ULK4: variants seen among roughly 807,000 people sequenced by gnomAD.
The protein encoded by ULK4 is inactive serine/threonine-protein kinase ULK4.
Under a neutral mutation model 160.6 loss-of-function variants are expected in ULK4, and 133 were observed. The ratio of observed to expected loss-of-function variants is 0.83; its 90% CI spans 0.72 to 0.96. The LOEUF (loss-of-function observed/expected upper bound fraction) is 0.96. ULK4 is among the 40% of genes least tolerant of loss of function. The pLI is 0.00. For missense variants in ULK4, 1,580 were observed against 1,499.5 expected (o/e 1.05, Z -0.89); for synonymous variants, 534 against 539.8 (o/e 0.99, Z 0.15).
intron 7 of ULK4, among the ~76,000 whole-genome samples, chr3:41,916,340 T>A (rs967407123): frequency 1.3e-5 from 2 of 152,156 alleles, no homozygotes; most frequent in Non-Finnish European, 1.5e-5. Context: ...CACTGAACAA[T>A]CCCAATAAGG....
At chr3:41,788,049 C>T (rs1043261116) in intron 21 of ULK4, among the ~76,000 whole-genome samples, 2 of 152,026 alleles carry the variant, frequency 1.3e-5, no homozygotes, top group Non-Finnish European at 2.9e-5. Flanking sequence ...ACAATAAGAA[C>T]ATTTAATGAG....
At position 41,687,242 on chromosome 3, in the gene ULK4, G is replaced by A. The variant is rs75929345; in HGVS notation, c.2782-5438C>T. Among the ~76,000 whole-genome samples the A allele has an allele frequency of 1.4e-4, 21 of 151,694 alleles. No homozygotes were observed. In the East Asian group the frequency reaches 1.6e-3, roughly 11 times the overall value. Reference sequence around the variant, plus strand: ...ACAAAAATTAGCTGGGTATGGTGGCGCACGCCTGTAGTCCCAGCTACTCAG... The same window carrying A: ...ACAAAAATTAGCTGGGTATGGTGGCACACGCCTGTAGTCCCAGCTACTCAG... On this transcript the variant is annotated intron_variant, in intron 27 of 36. Transcript: ENST00000301831.
chr3:41,366,430 ATGTTT>A (rs1277653542), intron 35 of ULK4, among the ~76,000 whole-genome samples: 2 of 152,112 alleles, frequency 1.3e-5, no homozygotes, highest in African/African-American at 4.8e-5. Context: ...CATACATTTT[ATGTTT>A]TAACAGTCCT....
intron 32 of ULK4, among the ~76,000 whole-genome samples, chr3:41,494,149 T>G (rs1441227295): frequency 1.7e-5 from 2 of 114,930 alleles, no homozygotes; most frequent in Admixed American, 1.9e-4. Context: ...TAGACCAATA[T>G]CCTTGATGAA....
intron 30 of ULK4, among the ~76,000 whole-genome samples, chr3:41,659,876 C>G (rs984574310): frequency 5.9e-5 from 9 of 152,116 alleles, no homozygotes; most frequent in African/African-American, 1.7e-4. Flanking sequence ...GATCTTACCA[C>G]TGTAAAACCC....
At chr3:41,314,539 A>G (rs1488470261) in intron 35 of ULK4, among the ~76,000 whole-genome samples, 1 of 152,250 alleles carries the variant, frequency 6.6e-6, no homozygotes, top group Non-Finnish European at 1.5e-5. Flanking sequence ...ATCTAAAACC[A>G]GAACAGTTCT....
At chr3:41,649,921 C>G (rs1310367280) in intron 30 of ULK4, among the ~76,000 whole-genome samples, 1 of 152,216 alleles carries the variant, frequency 6.6e-6, no homozygotes, top group Admixed American at 6.5e-5. Flanking sequence ...ATGAACCGAT[C>G]AGCATGAACT....
chr3:41,623,140 T>C (rs975164803), intron 30 of ULK4, among the ~76,000 whole-genome samples: 4 of 152,302 alleles, frequency 2.6e-5, no homozygotes, highest in South Asian at 2.1e-4. Flanking sequence ...GTTACATATG[T>C]TGTAGGTATG....
At chr3:41,693,939 G>C (rs1336090260) in intron 27 of ULK4, among the ~76,000 whole-genome samples, 2 of 152,312 alleles carry the variant, frequency 1.3e-5, no homozygotes, top group East Asian at 3.9e-4. Context: ...GCTAATCCAA[G>C]TACCTTATGA....
At chr3:41,563,298 CT>C (rs1422872110) in intron 32 of ULK4, among the ~76,000 whole-genome samples, 2 of 151,708 alleles carry the variant, frequency 1.3e-5, no homozygotes, top group Non-Finnish European at 2.9e-5. Context: ...ACATTTTTTC[CT>C]TCATTTCAAC....
chr3:41,475,416 A>G (rs2084109940), intron 32 of ULK4, among the ~76,000 whole-genome samples: 1 of 152,184 alleles, frequency 6.6e-6, no homozygotes, highest in Non-Finnish European at 1.5e-5. Flanking sequence ...TTTCTTTGAC[A>G]TATAATGCAC....
chr3:41,296,238 TTTCTC>T (rs999659521), intron 35 of ULK4, among the ~76,000 whole-genome samples: 13 of 152,302 alleles, frequency 8.5e-5, no homozygotes, highest in African/African-American at 3.1e-4. Flanking sequence ...TCTCTGTACT[TTTCTC>T]TTCATTTTTC....
intron 31 of ULK4, among the ~76,000 whole-genome samples, chr3:41,600,420 C>A (rs2031982196): frequency 6.6e-6 from 1 of 152,180 alleles, no homozygotes; most frequent in African/African-American, 2.4e-5. Context: ...GCAAAGAAAT[C>A]TGACCAGGTC....
chr3:41,662,508 T>C (rs2035212245), intron 30 of ULK4, among the ~76,000 whole-genome samples: 1 of 152,176 alleles, frequency 6.6e-6, no homozygotes, highest in South Asian at 2.1e-4. Context: ...ATGAGTACTT[T>C]TTAAAAACAG....
At chr3:41,650,672 C>T (rs1216508394) in intron 30 of ULK4, among the ~76,000 whole-genome samples, 1 of 152,208 alleles carries the variant, frequency 6.6e-6, no homozygotes, top group Non-Finnish European at 1.5e-5. Flanking sequence ...ATAACACAAG[C>T]CGAGTGCAGC....
chr3:41,506,767 A>ATATATATAT (rs1553684747), intron 32 of ULK4, among the ~76,000 whole-genome samples: 1 of 56,766 alleles, frequency 1.8e-5, no homozygotes, highest in African/African-American at 8.2e-5. Flanking sequence ...TGTGATTTAA[A>ATATATATAT]ATATATATAT....
intron 21 of ULK4, among the ~76,000 whole-genome samples, chr3:41,771,814 A>C (rs2125920240): frequency 6.6e-6 from 1 of 152,350 alleles, no homozygotes; most frequent in South Asian, 2.1e-4. Context: ...CTTTTATTTA[A>C]ATTATGGAAT....
chr3:41,859,202 T>C (rs1317765086), intron 17 of ULK4: 4 of 517,178 alleles, frequency 7.7e-6, no homozygotes, highest in Non-Finnish European at 1.5e-5. Flanking sequence ...GAATAAGACA[T>C]TTAAATGTGG....
At chr3:41,488,300 G>C (rs982478287) in intron 32 of ULK4, among the ~76,000 whole-genome samples, 1 of 152,228 alleles carries the variant, frequency 6.6e-6, no homozygotes, top group Non-Finnish European at 1.5e-5. Context: ...CAACCACTCA[G>C]TTATTATTCC....
Sources: gnomAD v4.1 joint callset for allele counts (sites outside exome capture counted in the v4.1 genomes callset) on GRCh38, gnomAD v4.1.1 for gene constraint, MANE v1.5 for transcripts, NCBI Gene and HGNC (gene_info 2026-07-23, HGNC 2026-07-21) for gene names.